Variants in TSPAN18 observed in about 807,000 individuals in gnomAD.
TSPAN18 encodes tetraspanin 18.
Under a neutral mutation model 27.3 loss-of-function variants are expected in TSPAN18, and 14 were observed. The ratio of observed to expected loss-of-function variants is 0.51; its 90% CI spans 0.34 to 0.80. The LOEUF (loss-of-function observed/expected upper bound fraction) is 0.80. TSPAN18 is among the 30% of genes least tolerant of loss of function. The pLI, the probability that TSPAN18 is intolerant of heterozygous loss-of-function variation, is 0.01. For synonymous variants in TSPAN18, 143 were observed against 136.5 expected (o/e 1.05, Z -0.33); for missense variants, 268 against 323.9 (o/e 0.83, Z 1.32).
chr11:44,770,265 C>T (rs1855661425), intron 2 of TSPAN18, among the ~76,000 whole-genome samples: 1 of 152,056 alleles, frequency 6.6e-6, no homozygotes, highest in Admixed American at 6.5e-5. Flanking sequence ...CAGGAAGGGG[C>T]AGGGAATGAC....
chr11:44,800,944 A>G (rs1194290106), intron 2 of TSPAN18, among the ~76,000 whole-genome samples: 1 of 152,126 alleles, frequency 6.6e-6, no homozygotes, highest in Non-Finnish European at 1.5e-5. Context: ...TGGGGGCCTG[A>G]CCCACAGCCC....
chr11:44,886,327 G>C (rs1463545592), intron 3 of TSPAN18: 1 of 152,222 alleles, frequency 6.6e-6, no homozygotes, highest in Admixed American at 6.5e-5. Context: ...GAAATTGATG[G>C]GACATTGATG....
chr11:44,919,247 A>G lies in TSPAN18; in HGVS notation c.367A>G (p.Lys123Glu). ...TREFFTKELTKHYQGNNDTDV... is the reference protein window; with the variant it reads ...TREFFTKELTEHYQGNNDTDV... ...AGAATTCTTCACCAAGGAGCTCACCAAGCACTACCAGGGCAATAACGACAC... is the reference window on the plus strand; with the variant it reads ...AGAATTCTTCACCAAGGAGCTCACCGAGCACTACCAGGGCAATAACGACAC... Residue 123 changes from lysine to glutamate, a missense_variant, in exon 7 of 10, where the codon AAG becomes GAG. Coordinates refer to ENST00000520358, the MANE Select transcript of TSPAN18 (RefSeq NM_130783.5). 1 of 1,614,092 alleles carries G rather than the reference A, an allele frequency of 6.2e-7. No homozygotes were observed.
At chr11:44,916,517 A>C (rs1170976991) in intron 5 of TSPAN18, among the ~76,000 whole-genome samples, 1 of 152,096 alleles carries the variant, frequency 6.6e-6, no homozygotes. Context: ...CTCATTTCCA[A>C]CAGGGGAAAT....
intron 2 of TSPAN18, among the ~76,000 whole-genome samples, chr11:44,767,864 A>T (rs73450610): frequency 0.079 from 12,099 of 152,266 alleles, 755 homozygotes; most frequent in African/African-American, 0.18. Flanking sequence ...GAGACTGTCT[A>T]TTCTCCAGTG....
chr11:44,734,399 C>CCTGTCT, intron 1 of TSPAN18, among the ~76,000 whole-genome samples: 1 of 152,344 alleles, frequency 6.6e-6, no homozygotes, highest in Non-Finnish European at 1.5e-5. Flanking sequence ...TCTCTCTTAG[C>CCTGTCT]CTGTCTCAGT....
At chr11:44,865,731 C>T (rs1366737157) in intron 3 of TSPAN18, among the ~76,000 whole-genome samples, 1 of 152,134 alleles carries the variant, frequency 6.6e-6, no homozygotes, top group African/African-American at 2.4e-5. Context: ...CAGGAGGGGA[C>T]AGTAGCCTGG....
chr11:44,903,191 G>C (rs1006574987), intron 3 of TSPAN18, among the ~76,000 whole-genome samples: 2 of 152,076 alleles, frequency 1.3e-5, no homozygotes, highest in African/African-American at 4.8e-5. Flanking sequence ...TTGGCTTGAT[G>C]GGGGCAGGAG....
At chr11:44,758,475 A>G (rs965003740) in intron 1 of TSPAN18, among the ~76,000 whole-genome samples, 1 of 152,148 alleles carries the variant, frequency 6.6e-6, no homozygotes, top group Non-Finnish European at 1.5e-5. Flanking sequence ...GGATTTTTGC[A>G]TTAGTGCTCA....
At chr11:44,823,163 C>A (rs1288899912) in intron 2 of TSPAN18, among the ~76,000 whole-genome samples, 1 of 152,234 alleles carries the variant, frequency 6.6e-6, no homozygotes, top group Non-Finnish European at 1.5e-5. Flanking sequence ...AACGCCCCCC[C>A]ACTGCCCAGG....
intron 2 of TSPAN18, among the ~76,000 whole-genome samples, chr11:44,794,705 G>C (rs542242037): frequency 6.6e-6 from 1 of 151,856 alleles, no homozygotes; most frequent in South Asian, 2.1e-4. Flanking sequence ...TCTCTGTTCC[G>C]AGACGTAAGT....
chr11:44,921,866 G>T (rs1324333285), intron 8 of TSPAN18, among the ~76,000 whole-genome samples: 1 of 152,128 alleles, frequency 6.6e-6, no homozygotes, highest in Non-Finnish European at 1.5e-5. Context: ...CTCATCCTCC[G>T]TTAGGATGTC....
intron 2 of TSPAN18, among the ~76,000 whole-genome samples, chr11:44,825,752 C>T (rs1857026619): frequency 6.6e-6 from 1 of 152,166 alleles, no homozygotes; most frequent in Non-Finnish European, 1.5e-5. Context: ...GGCCTGTTTT[C>T]TTAGACAAGG....
intron 1 of TSPAN18, chr11:44,736,647 G>A (rs1003263032): frequency 1.3e-5 from 2 of 152,188 alleles, no homozygotes; most frequent in African/African-American, 4.8e-5. Context: ...AAGGGTCTAG[G>A]GATTTAGCTG....
At chr11:44,742,603 T>TAGA (rs1365042710) in intron 1 of TSPAN18, among the ~76,000 whole-genome samples, 1 of 152,138 alleles carries the variant, frequency 6.6e-6, no homozygotes, top group African/African-American at 2.4e-5. Context: ...CTCCTCTTGT[T>TAGA]CACTTCTCGT....
chr11:44,762,079 C>G (rs189600397), intron 1 of TSPAN18, among the ~76,000 whole-genome samples: 5 of 152,336 alleles, frequency 3.3e-5, no homozygotes, highest in Admixed American at 3.3e-4. Flanking sequence ...TTTGTCAGCA[C>G]TACCCAAAGG....
intron 2 of TSPAN18, among the ~76,000 whole-genome samples, chr11:44,822,693 T>C (rs548007744): frequency 6.6e-6 from 1 of 152,132 alleles, no homozygotes; most frequent in East Asian, 1.9e-4. Flanking sequence ...CTTCTGGAAT[T>C]ACAACCCCCT....
At chr11:44,780,135 C>T (rs1855904987) in intron 2 of TSPAN18, among the ~76,000 whole-genome samples, 1 of 152,206 alleles carries the variant, frequency 6.6e-6, no homozygotes, top group African/African-American at 2.4e-5. Context: ...ACATCCTTCC[C>T]TACACATTTT....
intron 3 of TSPAN18, among the ~76,000 whole-genome samples, chr11:44,882,814 C>A (rs991470821): frequency 6.6e-5 from 10 of 152,064 alleles, no homozygotes; most frequent in Admixed American, 5.2e-4. Flanking sequence ...TGAACTTAAA[C>A]CCAGACCCCC....
Sources: gnomAD v4.1 joint callset for allele counts (sites outside exome capture counted in the v4.1 genomes callset) on GRCh38, gnomAD v4.1.1 for gene constraint, MANE v1.5 for transcripts, NCBI Gene and HGNC (gene_info 2026-07-23, HGNC 2026-07-21) for gene names.